NTNG1: variants seen among roughly 807,000 people sequenced by gnomAD.
NTNG1 encodes the protein netrin-G1.
NTNG1 carries 16 observed loss-of-function variants against 54.0 expected under a neutral mutation model. The ratio of observed to expected loss-of-function variants is 0.30; its 90% CI spans 0.20 to 0.45. The LOEUF is 0.45. NTNG1 is among the 20% of genes least tolerant of loss of function. The pLI, the probability that NTNG1 is intolerant of heterozygous loss-of-function variation, is 1.00. For synonymous variants in NTNG1, 255 were observed against 263.1 expected, an observed-to-expected ratio of 0.97 and a Z score of 0.30; for missense variants, 530 against 678.7, an observed-to-expected ratio of 0.78 and a Z score of 2.43.
At chr1:107,464,505 C>T (rs188340848) in intron 7 of NTNG1, among the ~76,000 whole-genome samples, 25 of 152,194 alleles carry the variant, frequency 1.6e-4, no homozygotes, top group African/African-American at 5.1e-4. Context: ...CAGGAACCTA[C>T]GGAACGAAGG....
chr1:107,387,783 A>C (rs564979452), intron 3 of NTNG1, among the ~76,000 whole-genome samples: 2 of 152,324 alleles, frequency 1.3e-5, no homozygotes, highest in African/African-American at 2.4e-5. Flanking sequence ...CCTCCTTCTC[A>C]GAGTGATAAT....
chr1:107,443,097 G>A (rs1676074855), intron 7 of NTNG1, among the ~76,000 whole-genome samples: 1 of 152,040 alleles, frequency 6.6e-6, no homozygotes, highest in African/African-American at 2.4e-5. Flanking sequence ...AACTCTTTAG[G>A]GCCTCTTCAA....
intron 2 of NTNG1, among the ~76,000 whole-genome samples, chr1:107,308,124 G>C (rs1666794629): frequency 6.6e-6 from 1 of 151,904 alleles, no homozygotes; most frequent in Middle Eastern, 3.4e-3. Flanking sequence ...TCTACTGATA[G>C]CTTCTTTGCT....
intron 2 of NTNG1, among the ~76,000 whole-genome samples, chr1:107,233,197 C>G (rs548861268): frequency 2.0e-5 from 3 of 152,250 alleles, no homozygotes; most frequent in East Asian, 1.9e-4. Flanking sequence ...TAAGCAAAAT[C>G]TTGGAGATAG....
At chr1:107,248,645 T>C (rs2101608479) in intron 2 of NTNG1, among the ~76,000 whole-genome samples, 1 of 152,322 alleles carries the variant, frequency 6.6e-6, no homozygotes, top group Non-Finnish European at 1.5e-5. Flanking sequence ...TTTATTAACC[T>C]GTCGGTTACT....
chr1:107,238,096 A>T (rs1570930095), intron 2 of NTNG1, among the ~76,000 whole-genome samples: 1 of 152,104 alleles, frequency 6.6e-6, no homozygotes, highest in Non-Finnish European at 1.5e-5. Context: ...GGGATACTAT[A>T]CCCTGCAAAG....
intron 7 of NTNG1, among the ~76,000 whole-genome samples, chr1:107,443,679 G>A (rs1676124515): frequency 6.6e-6 from 1 of 152,154 alleles, no homozygotes; most frequent in African/African-American, 2.4e-5. Flanking sequence ...ATGTGTCTGT[G>A]ATGCTGCAGA....
chr1:107,363,371 C>A (rs1467708538), intron 3 of NTNG1, among the ~76,000 whole-genome samples: 1 of 152,110 alleles, frequency 6.6e-6, no homozygotes, highest in African/African-American at 2.4e-5. Context: ...GTCTCATAGT[C>A]ATGAGGAAAC....
At chr1:107,160,298 C>T (rs369000299) in intron 2 of NTNG1, among the ~76,000 whole-genome samples, 2 of 152,232 alleles carry the variant, frequency 1.3e-5, no homozygotes, top group East Asian at 1.9e-4. Context: ...AAGAATCCTC[C>T]TTAACTCCTT....
At chr1:107,334,504 A>T (rs1668465777) in intron 3 of NTNG1, among the ~76,000 whole-genome samples, 1 of 151,886 alleles carries the variant, frequency 6.6e-6, no homozygotes, top group Non-Finnish European at 1.5e-5. Flanking sequence ...GAGGTCAGAG[A>T]TTTGGCAGGT....
chr1:107,289,630 T>C (rs916732826), intron 2 of NTNG1, among the ~76,000 whole-genome samples: 5 of 152,160 alleles, frequency 3.3e-5, no homozygotes. Context: ...CTTTTCCTTA[T>C]TCTAGTCCTT....
At chr1:107,217,684 C>G (rs1360646784) in intron 2 of NTNG1, among the ~76,000 whole-genome samples, 1 of 152,148 alleles carries the variant, frequency 6.6e-6, no homozygotes. Flanking sequence ...CTTTTAGTTT[C>G]TATCTTGATT....
chr1:107,388,703 ACT>A (rs1280536685), intron 3 of NTNG1, among the ~76,000 whole-genome samples: 4 of 152,158 alleles, frequency 2.6e-5, no homozygotes, highest in African/African-American at 9.7e-5. Context: ...AGGGATTTGA[ACT>A]CAGGCTGTCT....
chr1:107,203,492 T>A (rs959504022), intron 2 of NTNG1, among the ~76,000 whole-genome samples: 2 of 151,562 alleles, frequency 1.3e-5, no homozygotes, highest in Non-Finnish European at 3.0e-5. Flanking sequence ...GATAAGCAGT[T>A]ATTCTTTCTG....
chr1:107,398,625 T>A (rs1357814853), intron 4 of NTNG1, among the ~76,000 whole-genome samples: 1 of 152,208 alleles, frequency 6.6e-6, no homozygotes, highest in African/African-American at 2.4e-5. Flanking sequence ...GAGTAACTTT[T>A]GTGATATTTT....
intron 5 of NTNG1, chr1:107,421,283 G>T: frequency 3.4e-6 from 2 of 582,500 alleles, no homozygotes; most frequent in South Asian, 2.5e-5. Context: ...TCAATGCATC[G>T]AATAGTACTG....
chr1:107,347,610 T>C (rs1206827915), intron 3 of NTNG1, among the ~76,000 whole-genome samples: 1 of 152,204 alleles, frequency 6.6e-6, no homozygotes, highest in Non-Finnish European at 1.5e-5. Context: ...AGTACATACA[T>C]GGTAAGAATT....
chr1:107,397,187 T>C (rs1452124184), intron 4 of NTNG1, among the ~76,000 whole-genome samples: 3 of 152,334 alleles, frequency 2.0e-5, no homozygotes, highest in Admixed American at 6.5e-5. Flanking sequence ...ACTGGTTTTC[T>C]GTATACATTT....
chr1:107,454,910 G>T (rs946345701), intron 7 of NTNG1, among the ~76,000 whole-genome samples: 2 of 152,158 alleles, frequency 1.3e-5, no homozygotes, highest in Non-Finnish European at 2.9e-5. Context: ...CTCAAACCCA[G>T]CTCTCTTCCT....
Sources: allele counts gnomAD v4.1 joint callset (sites outside exome capture counted in the v4.1 genomes callset), GRCh38; gene constraint gnomAD v4.1.1; transcripts MANE v1.5; gene names NCBI Gene and HGNC (gene_info 2026-07-23, HGNC 2026-07-21).